Variants in RHOBTB1 observed in about 807,000 individuals in gnomAD.
RHOBTB1 encodes Rho related BTB domain containing 1.
RHOBTB1 carries 40 observed loss-of-function variants against 71.6 expected under a neutral mutation model. The observed-to-expected ratio is 0.56, with a 90% CI of 0.43 to 0.73. RHOBTB1 has a LOEUF of 0.73. Ranked by LOEUF, RHOBTB1 falls within the 30% of genes least tolerant of loss-of-function variation. RHOBTB1 has a pLI of 0.00. For missense variants in RHOBTB1, 797 were observed against 894.0 expected (o/e 0.89, Z 1.38); for synonymous variants, 319 against 334.9 (o/e 0.95, Z 0.52).
intron 4 of RHOBTB1, among the ~76,000 whole-genome samples, chr10:60,893,961 G>A (rs957858380): frequency 6.6e-6 from 1 of 152,116 alleles, no homozygotes; most frequent in African/African-American, 2.4e-5. Flanking sequence ...AATAAGAAAA[G>A]TTACGCCCAA....
At chr10:60,992,907 A>T (rs1399264086) in intron 1 of RHOBTB1, among the ~76,000 whole-genome samples, 1 of 152,166 alleles carries the variant, frequency 6.6e-6, no homozygotes, top group Non-Finnish European at 1.5e-5. Context: ...TGTTCTAAAG[A>T]AGCCAGTTAT....
intron 1 of RHOBTB1, among the ~76,000 whole-genome samples, chr10:60,943,660 T>A (rs999349060): frequency 6.6e-6 from 1 of 152,144 alleles, no homozygotes; most frequent in East Asian, 1.9e-4. Context: ...CACCACCCCC[T>A]CCCTGGCGCA....
chr10:61,001,513 C>G (rs1474981782), upstream of RHOBTB1: 1 of 151,504 alleles, frequency 6.6e-6, no homozygotes, highest in Non-Finnish European at 1.5e-5. Flanking sequence ...CCGCCGACCC[C>G]GCCCTCTCCC....
chr10:60,882,293 T>C (rs1235618683), intron 7 of RHOBTB1, among the ~76,000 whole-genome samples: 1 of 152,120 alleles, frequency 6.6e-6, no homozygotes, highest in East Asian at 1.9e-4. Context: ...ATTTTAATTG[T>C]GAAGATTAGC....
intron 2 of RHOBTB1, among the ~76,000 whole-genome samples, chr10:60,929,027 C>T (rs984037796): frequency 3.3e-5 from 5 of 151,950 alleles, no homozygotes; most frequent in Non-Finnish European, 5.9e-5. Context: ...GAGAGAGATA[C>T]CAAAGGGGTA....
chr10:60,881,400 A>G (rs1157406282), intron 7 of RHOBTB1, among the ~76,000 whole-genome samples: 2 of 152,226 alleles, frequency 1.3e-5, no homozygotes, highest in Non-Finnish European at 2.9e-5. Flanking sequence ...CATTTTACAA[A>G]GCGCTAAGTG....
At chr10:60,997,107 C>A (rs960662461) in intron 1 of RHOBTB1, among the ~76,000 whole-genome samples, 8 of 141,360 alleles carry the variant, frequency 5.7e-5, no homozygotes, top group African/African-American at 2.1e-4. Context: ...ACACACACAG[C>A]TTTTGCTACA....
At chr10:60,869,100 C>T (rs1321337403), downstream of RHOBTB1, among the ~76,000 whole-genome samples, 1 of 152,224 alleles carries the variant, frequency 6.6e-6, no homozygotes, top group Non-Finnish European at 1.5e-5. Context: ...ACCTATCACT[C>T]AACTGCTGGC....
intron 4 of RHOBTB1, among the ~76,000 whole-genome samples, chr10:60,909,515 T>C (rs958813934): frequency 6.6e-6 from 1 of 152,170 alleles, no homozygotes; most frequent in Non-Finnish European, 1.5e-5. Flanking sequence ...ACTGTATTTA[T>C]CCTTACACTG....
At chr10:60,907,506 G>A (rs1564904479) in intron 4 of RHOBTB1, among the ~76,000 whole-genome samples, 1 of 152,156 alleles carries the variant, frequency 6.6e-6, no homozygotes, top group Non-Finnish European at 1.5e-5. Flanking sequence ...ATATAAAGTA[G>A]GTGGTGGAAA....
In RHOBTB1 at chr10:60,882,203, T is replaced by TA. The variant is rs35430567; in HGVS notation, c.1575+3908dup. Among the ~76,000 whole-genome samples the TA allele has an allele frequency of 4.2e-3, 609 of 146,552 alleles. 1 individual carries two copies. The highest frequency in any genetic ancestry group is 0.011 in the African/African-American group (450 of 40,360). ...CTGCTGGATATAGTTTCTTTTTTCT[T>TA]AAAAAAAAAAAAAGAGTGATCAAAG... On this transcript the variant is annotated intron_variant, in intron 7 of 10. Transcript: ENST00000337910.
chr10:60,986,405 ATAT>A (rs1188242133), intron 1 of RHOBTB1, among the ~76,000 whole-genome samples: 15 of 13,842 alleles, frequency 1.1e-3, no homozygotes, highest in Non-Finnish European at 1.6e-3. Flanking sequence ...TAAATAAAAG[ATAT>A]ATATATATAT....
At chr10:60,901,335 T>C (rs1320865088) in intron 4 of RHOBTB1, among the ~76,000 whole-genome samples, 1 of 152,186 alleles carries the variant, frequency 6.6e-6, no homozygotes, top group African/African-American at 2.4e-5. Flanking sequence ...GTTGTTAAGA[T>C]TCACTAAGGA....
rs150412683 is a variant in RHOBTB1 at position 60,936,924 on chromosome 10, G to T, written c.-11+4880C>A. Reference sequence around the variant, plus strand: ...CAGTTCAGCCACTTCATAGCACTGGGAAAGACATATACTTGCTACTTCTAA... The same window carrying T: ...CAGTTCAGCCACTTCATAGCACTGGTAAAGACATATACTTGCTACTTCTAA... On this transcript the variant is annotated intron_variant, in intron 2 of 10. Transcript: ENST00000337910. 6.3e-3 allele frequency among the ~76,000 whole-genome samples: 962 copies of T among 152,268 alleles called. 10 individuals carry two copies. The highest frequency in any genetic ancestry group is 0.022 in the African/African-American group (914 of 41,546).
intron 2 of RHOBTB1, among the ~76,000 whole-genome samples, chr10:60,918,265 C>A (rs770303992): frequency 6.6e-6 from 1 of 152,152 alleles, no homozygotes; most frequent in Non-Finnish European, 1.5e-5. Context: ...AGGGACAGAG[C>A]CAAATGTGAC....
rs372833321 is a variant in RHOBTB1 at position 60,871,635 on chromosome 10, G to T, written c.1938C>A (p.Phe646Leu). The change falls in exon 11 of 11, where the codon TTC becomes TTA. Residue 646 changes from phenylalanine to leucine, a missense_variant. Physicochemically the swap from Phe to Leu is conservative, Grantham distance 22 (BLOSUM62 0). Transcript: ENST00000337910. ...KSKSADNQEY[F>L]ERHRWPPVWY... Reference sequence around the variant, plus strand: ...ACACAGGGGGCCAGCGGTGCCGCTCGAAGTATTCCTGGTTGTCTGGTGAAG... The same window carrying T: ...ACACAGGGGGCCAGCGGTGCCGCTCTAAGTATTCCTGGTTGTCTGGTGAAG... 3 of 1,613,740 alleles carry T rather than the reference G, an allele frequency of 1.9e-6. No individual in the cohort carries two copies. The highest frequency in any genetic ancestry group is 2.5e-6 in the Non-Finnish European group (3 of 1,179,934).
intron 1 of RHOBTB1, among the ~76,000 whole-genome samples, chr10:60,992,731 C>T (rs890150808): frequency 3.9e-5 from 6 of 152,114 alleles, no homozygotes; most frequent in African/African-American, 1.4e-4. Flanking sequence ...TATGAATGCA[C>T]TTCTGCAATT....
intron 1 of RHOBTB1, among the ~76,000 whole-genome samples, chr10:60,987,128 T>C (rs2086693446): frequency 6.6e-6 from 1 of 152,152 alleles, no homozygotes; most frequent in Non-Finnish European, 1.5e-5. Flanking sequence ...ACCTAGTGAT[T>C]ATATCAGTGA....
At chr10:60,905,752 C>T (rs1172219979) in intron 4 of RHOBTB1, among the ~76,000 whole-genome samples, 2 of 152,122 alleles carry the variant, frequency 1.3e-5, no homozygotes, top group African/African-American at 4.8e-5. Context: ...ATCATCATTA[C>T]AATGTTATTT....
Sources: gnomAD v4.1 joint callset for allele counts (sites outside exome capture counted in the v4.1 genomes callset) on GRCh38, gnomAD v4.1.1 for gene constraint, MANE v1.5 for transcripts, NCBI Gene and HGNC (gene_info 2026-07-23, HGNC 2026-07-21) for gene names.